Variants in ADD1 observed in about 807,000 individuals in gnomAD.
The protein encoded by ADD1 is alpha-adducin.
ADD1 carries 24 observed loss-of-function variants against 80.5 expected under a neutral mutation model. The observed-to-expected ratio is 0.30, with a 90% CI of 0.22 to 0.42. The LOEUF is 0.42. Among genes scored for constraint, ADD1 ranks in the 10% least tolerant of loss-of-function variants. The pLI is 1.00. For synonymous variants in ADD1, 373 were observed against 393.8 expected, an observed-to-expected ratio of 0.95 and a Z score of 0.63; for missense variants, 948 against 1,019.0, an observed-to-expected ratio of 0.93 and a Z score of 0.95.
intron 1 of ADD1, among the ~76,000 whole-genome samples, chr4:2,850,686 A>G (rs1036542763): frequency 2.4e-4 from 37 of 151,824 alleles, no homozygotes; most frequent in Admixed American, 2.4e-3. Flanking sequence ...CGGCCTCCCA[A>G]AGTGCTGGGA....
intron 14 of ADD1, among the ~76,000 whole-genome samples, chr4:2,920,069 T>C (rs908919985): frequency 1.3e-5 from 2 of 152,244 alleles, no homozygotes; most frequent in Non-Finnish European, 2.9e-5. Context: ...AAAGAACTTA[T>C]TTATTTCTGC....
intron 13 of ADD1, 49 bp from the exon 14 acceptor site, chr4:2,914,834 GT>G: frequency 6.5e-7 from 1 of 1,539,432 alleles, no homozygotes; most frequent in Non-Finnish European, 8.7e-7. Flanking sequence ...AGGAGGGAGA[GT>G]CCCCATCGGG....
chr4:2,904,745 C>A lies in ADD1; in HGVS notation c.1162-19C>A, dbSNP rs778412779. On this transcript the variant is annotated intron_variant, in intron 9 of 15. Transcript: ENST00000683351. ...GAGATCTGGAATATTGACTGTCTTTCACTCTCCTTGGACCCTAGGGCTACA... is the reference window on the plus strand; with the variant it reads ...GAGATCTGGAATATTGACTGTCTTTAACTCTCCTTGGACCCTAGGGCTACA... The A allele has an allele frequency of 6.3e-7, 1 of 1,594,936 alleles. No individual in the cohort carries two copies. Among genetic ancestry groups the A allele is most frequent in the Non-Finnish European group, 8.6e-7 (1 of 1,163,622 alleles).
intron 1 of ADD1, among the ~76,000 whole-genome samples, chr4:2,845,386 A>G (rs890455163): frequency 3.3e-5 from 5 of 152,158 alleles, no homozygotes; most frequent in African/African-American, 1.2e-4. Flanking sequence ...TAAAATTTTA[A>G]TATACTCCTT....
At chr4:2,903,323 G>A (rs1451982884) in intron 9 of ADD1, among the ~76,000 whole-genome samples, 2 of 152,298 alleles carry the variant, frequency 1.3e-5, no homozygotes, top group Non-Finnish European at 2.9e-5. Flanking sequence ...AGCATCCCCC[G>A]TATTACCTCT....
chr4:2,928,401 G>T lies in ADD1; in HGVS notation c.2278G>T (p.Glu760Ter). Residue 760 changes from glutamate (E) to a stop codon, truncating the protein, a stop_gained, in exon 16 of 16, where the codon GAG becomes TAG. Coordinates refer to ENST00000683351, the MANE Select transcript of ADD1 (RefSeq NM_001354761.2). LOFTEE classifies it high-confidence loss of function. ...TGAAGAGGCTGCCCCCTCAGCTGTC[G>T]AGGAGGGGGCCGCCGCGGACCCTGG... ...VAEEAAPSAVEEGAAADPGSD... is the reference protein window; with the variant it reads ...VAEEAAPSAV 6.2e-7 allele frequency: 1 copy of T among 1,613,180 alleles called. No individual in the cohort carries two copies.
intron 14 of ADD1, among the ~76,000 whole-genome samples, chr4:2,923,654 G>A (rs752312842): frequency 7.2e-5 from 11 of 152,230 alleles, no homozygotes; most frequent in East Asian, 3.9e-4. Context: ...AAGCTTCACC[G>A]GGGAGAGACC....
At position 2,884,661 on chromosome 4, in the gene ADD1, A is replaced by G. The variant is rs1732951479; in HGVS notation, c.505A>G (p.Ile169Val). 6.2e-7 allele frequency: 1 copy of G among 1,605,770 alleles called. No homozygotes were observed. Among genetic ancestry groups the G allele is most frequent in the South Asian group, 1.1e-5 (1 of 89,982 alleles). Residue 169 changes from isoleucine (I) to valine (V), a missense_variant, in exon 4 of 16, where the codon ATC becomes GTC. Physicochemically the swap from Ile to Val is conservative, Grantham distance 29. Coordinates refer to ENST00000683351, the MANE Select transcript of ADD1 (RefSeq NM_001354761.2). ...GTGGTCTCAGCTTATCTACAATCAT[A>G]TCACAGTGAGTATTAAATGGGCTAG... The part of the protein sequence containing the change: ...FGWSQLIYNH[I>V]TTRVNSEQEH...
At position 2,926,132 on chromosome 4, in the gene ADD1, G is replaced by A. The variant is rs566457391; in HGVS notation, c.2047+20G>A. The A allele has an allele frequency of 3.0e-5, 48 of 1,605,252 alleles. No homozygotes were observed. Among genetic ancestry groups the A allele is most frequent in the East Asian group, 1.6e-4 (7 of 44,810 alleles). ...AGGAAGGTGAGCTCTGGGTGGCAGC[G>A]GCCGCCACTGTGGGAGGGTGCACGG... On this transcript the variant is annotated intron_variant, in intron 15 of 15. Coordinates refer to ENST00000683351, the MANE Select transcript of ADD1 (RefSeq NM_001354761.2). This position sits in a 1 kb window ranked among gnomAD's most constrained non-coding sequence, Gnocchi z 5.0.
chr4:2,908,483 T>G (rs369128264), intron 11 of ADD1, 32 bp from the exon 12 acceptor site: 53 of 1,591,890 alleles, frequency 3.3e-5, no homozygotes, highest in Non-Finnish European at 4.4e-5. Context: ...TGCTCAGGAC[T>G]GTTGATGTGT....
At chr4:2,925,922 C>A (rs747308847) in intron 14 of ADD1, 92 bp from the exon 15 acceptor site, 158 of 1,066,930 alleles carry the variant, frequency 1.5e-4, no homozygotes, top group Non-Finnish European at 2.0e-4. Flanking sequence ...CAGAGGGCGG[C>A]CGAGCGGGCT....
chr4:2,922,493 C>G lies in ADD1; in HGVS notation c.1949-3521C>G, dbSNP rs187213671. 4.3e-3 allele frequency among the ~76,000 whole-genome samples: 651 copies of G among 152,346 alleles called. 1 individual carries two copies. The highest frequency in any genetic ancestry group is 0.015 in the African/African-American group (611 of 41,586). On this transcript the variant is annotated intron_variant, in intron 14 of 15. Transcript: ENST00000683351. ...GCTGCAGAACAGCAAAGATCGCTGC[C>G]TGTTCCTTCCTCTGGAAGTTTCGTC... is the stretch of plus-strand genomic sequence containing the variant.
At chr4:2,845,107 T>A (rs1449730586) in intron 1 of ADD1, among the ~76,000 whole-genome samples, 1 of 151,976 alleles carries the variant, frequency 6.6e-6, no homozygotes, top group African/African-American at 2.4e-5. Flanking sequence ...GGAGTCTCGC[T>A]CTGTCGCCAG....
chr4:2,881,013 G>T (rs986315501), intron 2 of ADD1, among the ~76,000 whole-genome samples: 4 of 146,624 alleles, frequency 2.7e-5, no homozygotes, highest in Non-Finnish European at 4.5e-5. Context: ...AGTAGAATAT[G>T]AAAAATTACT....
intron 4 of ADD1, among the ~76,000 whole-genome samples, chr4:2,892,486 G>C (rs1734461621): frequency 6.6e-6 from 1 of 152,092 alleles, no homozygotes; most frequent in Admixed American, 6.6e-5. Context: ...ACATACTGTG[G>C]AAGAGGCAAA....
Position 2,876,068 on chromosome 4 carries a change from G to A in ADD1, c.153G>A (p.Met51Ile), listed in dbSNP as rs140325938. The change falls in exon 2 of 16, where the codon ATG (methionine) becomes ATA (isoleucine). Residue 51 changes from methionine to isoleucine, a missense_variant. Met to Ile is a conservative substitution (Grantham distance 10). Coordinates refer to ENST00000683351, the MANE Select transcript of ADD1 (RefSeq NM_001354761.2). ...MAPDLRQDFN[M>I]MEQKKRVSMI... ...CAGACCTTCGCCAGGACTTCAACAT[G>A]ATGGAGCAAAAGAAGAGGGTGTCCA... 3.7e-6 allele frequency: 6 copies of A among 1,613,954 alleles called. No individual in the cohort carries two copies. The African/African-American group carries it at 6.7e-5, about 18-fold the overall frequency.
chr4:2,923,403 C>T (rs1740408186), intron 14 of ADD1, among the ~76,000 whole-genome samples: 1 of 152,224 alleles, frequency 6.6e-6, no homozygotes, highest in Non-Finnish European at 1.5e-5. Context: ...AGTTCCCCGA[C>T]TCCTTGCACT....
At chr4:2,919,788 G>C (rs1328272871) in intron 14 of ADD1, among the ~76,000 whole-genome samples, 1 of 151,678 alleles carries the variant, frequency 6.6e-6, no homozygotes, top group South Asian at 2.1e-4. Context: ...AAAAAAACCA[G>C]CTCCTGGATT....
chr4:2,912,868 G>A (rs1463116089), intron 13 of ADD1, among the ~76,000 whole-genome samples: 1 of 151,950 alleles, frequency 6.6e-6, no homozygotes, highest in African/African-American at 2.4e-5. Context: ...TGTTTGAGAC[G>A]GAGTCTTGCT....
Sources: gnomAD v4.1 joint callset for allele counts (sites outside exome capture counted in the v4.1 genomes callset) on GRCh38, gnomAD v4.1.1 for gene constraint, Gnocchi (gnomAD v3.1) non-coding constraint, MANE v1.5 for transcripts, NCBI Gene and HGNC (gene_info 2026-07-23, HGNC 2026-07-21) for gene names.